Variants in KHDRBS2 observed in about 807,000 individuals in gnomAD.
KHDRBS2 encodes KH RNA binding domain containing, signal transduction associated 2, also known as KH domain-containing, RNA-binding, signal transduction-associated protein 2.
KHDRBS2 carries 26 observed loss-of-function variants against 44.3 expected under a neutral mutation model. The observed-to-expected ratio is 0.59, with a 90% CI of 0.43 to 0.81. The LOEUF is 0.81. KHDRBS2 is among the 40% of genes least tolerant of loss of function. KHDRBS2 has a pLI of 0.00. For synonymous variants in KHDRBS2, 194 were observed against 151.1 expected (o/e 1.28, Z -2.08); for missense variants, 476 against 433.1 (o/e 1.10, Z -0.88).
At chr6:62,002,902 A>ATT (rs1216155052) in intron 3 of KHDRBS2, among the ~76,000 whole-genome samples, 3 of 152,056 alleles carry the variant, frequency 2.0e-5, no homozygotes, top group Non-Finnish European at 4.4e-5. Context: ...ATAACATGCA[A>ATT]TTTAGAAAAC....
At chr6:62,070,647 T>C (rs1436561130) in intron 2 of KHDRBS2, among the ~76,000 whole-genome samples, 1 of 152,172 alleles carries the variant, frequency 6.6e-6, no homozygotes, top group Admixed American at 6.5e-5. Context: ...GCTTCATCCA[T>C]GCCCCTACAA....
intron 2 of KHDRBS2, among the ~76,000 whole-genome samples, chr6:62,158,025 G>A (rs1414554678): frequency 6.6e-6 from 1 of 152,116 alleles, no homozygotes; most frequent in Non-Finnish European, 1.5e-5. Context: ...TCAAAGAAAA[G>A]TGATTGATAC....
intron 2 of KHDRBS2, among the ~76,000 whole-genome samples, chr6:62,099,525 CT>C (rs1277669026): frequency 6.6e-6 from 1 of 152,166 alleles, no homozygotes; most frequent in Non-Finnish European, 1.5e-5. Flanking sequence ...GAGTTTCTAC[CT>C]GTTGCTAGGA....
chr6:61,727,706 G>T (rs1278702243), intron 7 of KHDRBS2, among the ~76,000 whole-genome samples: 1 of 151,828 alleles, frequency 6.6e-6, no homozygotes, highest in Non-Finnish European at 1.5e-5. Flanking sequence ...GATCATTAGA[G>T]AAAAATCAAA....
rs541424005 is a variant in KHDRBS2, at chr6:61,954,925, T to C, written c.483+23141A>G. Among the ~76,000 whole-genome samples the C allele has an allele frequency of 3.9e-5, 5 of 128,900 alleles. 2 individuals carry two copies. The highest frequency in any genetic ancestry group is 5.2e-4 in the East Asian group (2 of 3,874). The allele number at this position is 128,900 out of a possible 152,430, so 84.6% of individuals were successfully genotyped here. A position where few individuals can be genotyped will look rare whatever the true frequency, so the allele number is the denominator to read the frequency against. On this transcript the variant is annotated intron_variant, in intron 4 of 8. Coordinates refer to ENST00000281156, the MANE Select transcript of KHDRBS2 (RefSeq NM_152688.4). Reference sequence around the variant, plus strand: ...ATATGTGTGCATACATATATATGTATACACATACATATGTATGTGTATACA... The same window carrying C: ...ATATGTGTGCATACATATATATGTACACACATACATATGTATGTGTATACA...
intron 4 of KHDRBS2, among the ~76,000 whole-genome samples, chr6:61,968,541 G>T (rs1242639448): frequency 6.6e-6 from 1 of 152,020 alleles, no homozygotes; most frequent in Admixed American, 6.6e-5. Flanking sequence ...AATTGCACCT[G>T]TGTTACCACT....
At chr6:62,040,195 A>T (rs1786152410) in intron 3 of KHDRBS2, among the ~76,000 whole-genome samples, 2 of 152,040 alleles carry the variant, frequency 1.3e-5, no homozygotes, top group South Asian at 4.1e-4. Flanking sequence ...ATACAATACA[A>T]TACAATACAG....
intron 2 of KHDRBS2, among the ~76,000 whole-genome samples, chr6:62,107,241 A>C (rs1427421429): frequency 2.6e-5 from 4 of 152,226 alleles, no homozygotes; most frequent in Non-Finnish European, 5.9e-5. Flanking sequence ...CAACTTCAGC[A>C]AAGTCTCAGG....
At chr6:61,563,228 T>A in the KHDRBS2 span, among the ~76,000 whole-genome samples, 2 of 152,168 alleles carry the variant, frequency 1.3e-5, no homozygotes, top group Non-Finnish European at 2.9e-5. Flanking sequence ...CTTAAAAATA[T>A]CACGTTCTCA....
intron 6 of KHDRBS2, among the ~76,000 whole-genome samples, chr6:61,765,152 A>T (rs1250963637): frequency 6.6e-6 from 1 of 152,166 alleles, no homozygotes; most frequent in Admixed American, 6.6e-5. Flanking sequence ...ATTTAGAAGT[A>T]ACTGGCCAGG....
At chr6:61,941,971 T>C (rs2089001) in intron 4 of KHDRBS2, among the ~76,000 whole-genome samples, 48,057 of 151,892 alleles carry the variant, frequency 0.32, 8,163 homozygotes, top group East Asian at 0.4. Context: ...TATTATTGTA[T>C]TATTATTATT....
chr6:62,155,317 C>T (rs1049764780), intron 2 of KHDRBS2, among the ~76,000 whole-genome samples: 8 of 152,122 alleles, frequency 5.3e-5, no homozygotes, highest in South Asian at 2.1e-4. Context: ...AAAATAAAAT[C>T]AATTGGGTTT....
intron 2 of KHDRBS2, among the ~76,000 whole-genome samples, chr6:62,073,951 C>A (rs1299776241): frequency 2.0e-5 from 3 of 151,822 alleles, no homozygotes. Flanking sequence ...TCCTGCACTA[C>A]TGCACCAGAA....
At chr6:62,041,748 G>T (rs1244826162) in intron 3 of KHDRBS2, among the ~76,000 whole-genome samples, 1 of 152,048 alleles carries the variant, frequency 6.6e-6, no homozygotes, top group Non-Finnish European at 1.5e-5. Flanking sequence ...TTGTCTAGAT[G>T]CGAATAAAAT....
chr6:61,938,520 A>C (rs1213980339), intron 4 of KHDRBS2, among the ~76,000 whole-genome samples: 4 of 152,128 alleles, frequency 2.6e-5, no homozygotes, highest in African/African-American at 9.7e-5. Context: ...TTTATTGAGA[A>C]TATTTTATGT....
At chr6:62,113,075 G>A (rs772010022) in intron 2 of KHDRBS2, among the ~76,000 whole-genome samples, 1 of 152,052 alleles carries the variant, frequency 6.6e-6, no homozygotes, top group Non-Finnish European at 1.5e-5. Flanking sequence ...CAATGAAGCT[G>A]CCCAGTGAAT....
intron 3 of KHDRBS2, among the ~76,000 whole-genome samples, chr6:62,006,141 C>A (rs929689679): frequency 6.6e-6 from 1 of 151,880 alleles, no homozygotes; most frequent in East Asian, 1.9e-4. Flanking sequence ...TGTAATATTT[C>A]ACTCTAGACA....
chr6:61,727,231 G>A (rs1173600312), intron 7 of KHDRBS2, among the ~76,000 whole-genome samples: 1 of 152,022 alleles, frequency 6.6e-6, no homozygotes, highest in African/African-American at 2.4e-5. Flanking sequence ...TAGCCATATG[G>A]AGAAAATTGA....
the KHDRBS2 span, among the ~76,000 whole-genome samples, chr6:61,551,221 T>C: frequency 6.6e-6 from 1 of 152,208 alleles, no homozygotes; most frequent in Admixed American, 6.5e-5. Context: ...TTGATTGTTT[T>C]TTGCTTGTGA....
Sources: allele counts gnomAD v4.1 joint callset (sites outside exome capture counted in the v4.1 genomes callset), GRCh38; gene constraint gnomAD v4.1.1; transcripts MANE v1.5; gene names NCBI Gene and HGNC (gene_info 2026-07-23, HGNC 2026-07-21).